The following GATB variants were observed in gnomAD, a reference collection of about 807,000 sequenced individuals.
GATB encodes glutamyl-tRNA amidotransferase subunit B.
In GATB, 39 loss-of-function variants were observed where a neutral mutation model predicts 62.3. That is an observed-to-expected ratio of 0.63 (90% CI 0.48 to 0.82). The LOEUF (loss-of-function observed/expected upper bound fraction) is 0.82, where lower values mean the gene tolerates loss of function less well. Among genes scored for constraint, GATB ranks in the 40% least tolerant of loss-of-function variants. GATB has a pLI of 0.00. For missense variants in GATB, 670 were observed against 684.0 expected (o/e 0.98, Z 0.23); for synonymous variants, 276 against 258.9 (o/e 1.07, Z -0.63).
chr4:151,719,374 C>G (rs1738981234), intron 3 of GATB, 51 bp downstream of exon 3: 1 of 1,337,982 alleles, frequency 7.5e-7, no homozygotes, highest in Non-Finnish European at 1.1e-6. Context: ...CACAGCAGGG[C>G]TGGCCCAGCT....
chr4:151,675,677 GCAGCTCC>G (rs1346921780), intron 11 of GATB: 2 of 152,394 alleles, frequency 1.3e-5, no homozygotes, highest in Non-Finnish European at 2.9e-5. Flanking sequence ...AGCCAGGAGC[GCAGCTCC>G]CAGGCCCTGC....
At chr4:151,749,840 T>C (rs1739677524) in intron 2 of GATB, among the ~76,000 whole-genome samples, 1 of 151,830 alleles carries the variant, frequency 6.6e-6, no homozygotes, top group African/African-American at 2.4e-5. Context: ...CTATCAACAA[T>C]TCCCTCCCCC....
intron 2 of GATB, chr4:151,723,898 C>T (rs1739080735): frequency 6.6e-6 from 1 of 152,134 alleles, no homozygotes; most frequent in African/African-American, 2.4e-5. Context: ...AGAGATAAGG[C>T]ACATAATGGC....
chr4:151,726,146 G>C (rs1739133191), intron 2 of GATB, among the ~76,000 whole-genome samples: 1 of 152,210 alleles, frequency 6.6e-6, no homozygotes, highest in Admixed American at 6.5e-5. Context: ...TTTATGGAGA[G>C]AAAGCAATTA....
At chr4:151,697,823 C>G (rs1033167662) in intron 9 of GATB, among the ~76,000 whole-genome samples, 51 of 148,830 alleles carry the variant, frequency 3.4e-4, no homozygotes, top group African/African-American at 1.2e-3. Flanking sequence ...TGGCGTGAAC[C>G]TGGGAGGCGG....
intron 12 of GATB, 30 bp downstream of exon 12, chr4:151,672,732 C>G: frequency 6.2e-7 from 1 of 1,609,898 alleles, no homozygotes; most frequent in Non-Finnish European, 8.5e-7. Context: ...GGGGCTGGCT[C>G]TGGCCCTCTC....
chr4:151,707,955 AG>A, intron 6 of GATB, 32 bp downstream of exon 6: 2 of 1,357,522 alleles, frequency 1.5e-6, no homozygotes. Flanking sequence ...AACAATAGGA[AG>A]AAGGACACTA....
intron 9 of GATB, among the ~76,000 whole-genome samples, chr4:151,692,460 G>C (rs1336961244): frequency 6.6e-6 from 1 of 152,230 alleles, no homozygotes; most frequent in Non-Finnish European, 1.5e-5. Flanking sequence ...TATTAAAAAT[G>C]TTGCAAGGAA....
chr4:151,697,069 T>C (rs980035916), intron 9 of GATB, among the ~76,000 whole-genome samples: 1 of 152,220 alleles, frequency 6.6e-6, no homozygotes, highest in Non-Finnish European at 1.5e-5. Flanking sequence ...GAAAACAGTA[T>C]GGAGGTTCCC....
At chr4:151,737,910 A>C (rs181842684) in intron 2 of GATB, among the ~76,000 whole-genome samples, 1 of 152,304 alleles carries the variant, frequency 6.6e-6, no homozygotes, top group East Asian at 1.9e-4. Flanking sequence ...ATGTATAGAA[A>C]TGCCTGGATG....
intron 2 of GATB, among the ~76,000 whole-genome samples, chr4:151,729,331 G>A (rs1393732639): frequency 6.6e-6 from 1 of 152,100 alleles, no homozygotes; most frequent in Non-Finnish European, 1.5e-5. Context: ...GAAAGGAAAA[G>A]AAACAAAAAG....
rs1182060946 is a variant in GATB at position 151,730,296 on chromosome 4, AG to A, written c.328-10759del. Among the ~76,000 whole-genome samples the A allele has an allele frequency of 2.6e-5, 4 of 152,208 alleles. No individual in the cohort carries two copies. The highest frequency in any genetic ancestry group is 5.9e-5 in the Non-Finnish European group (4 of 68,034). On this transcript the variant is annotated intron_variant, in intron 2 of 12. Transcript: ENST00000263985. This position sits in a 1 kb window ranked among gnomAD's most constrained non-coding sequence, Gnocchi z 4.1. ...ACCCGCCCAAGGAGAGTCTGAGCTC[AG>A]ACATGCCTAGCCCTGCTGCCACCTG...
intron 12 of GATB, 33 bp downstream of exon 12, chr4:151,672,729 G>GCTCTGGCCCT: frequency 6.2e-7 from 1 of 1,608,184 alleles, no homozygotes; most frequent in Non-Finnish European, 8.5e-7. Context: ...CCTGGGGCTG[G>GCTCTGGCCCT]CTCTGGCCCT....
At chr4:151,697,051 C>T (rs1453683366) in intron 9 of GATB, among the ~76,000 whole-genome samples, 1 of 152,118 alleles carries the variant, frequency 6.6e-6, no homozygotes, top group Non-Finnish European at 1.5e-5. Context: ...ATTAGTACAG[C>T]CTCTATGGAA....
chr4:151,731,849 A>G lies in GATB; in HGVS notation c.328-12311T>C, dbSNP rs867465233. Among the ~76,000 whole-genome samples the G allele has an allele frequency of 8.3e-3, 1,189 of 144,048 alleles. 19 individuals carry two copies. Among genetic ancestry groups the G allele is most frequent in the African/African-American group, 0.029 (1,105 of 37,644 alleles). The allele number at this position is 144,048 out of a possible 152,430, so 94.5% of individuals were successfully genotyped here. A position where few individuals can be genotyped will look rare whatever the true frequency, so the allele number is the denominator to read the frequency against. ...AGCCCCTCTGCCCGGCAGCCGCCCC[A>G]TCTGAGAAGTGAGGAGCCCCTCCGC... On this transcript the variant is annotated intron_variant, in intron 2 of 12. Transcript: ENST00000263985.
intron 5 of GATB, among the ~76,000 whole-genome samples, chr4:151,709,833 A>G (rs1458542086): frequency 6.6e-6 from 1 of 151,986 alleles, no homozygotes; most frequent in African/African-American, 2.4e-5. Flanking sequence ...GACAGCTCCT[A>G]CCGGATTATC....
intron 2 of GATB, among the ~76,000 whole-genome samples, chr4:151,734,830 GA>G (rs199898395): frequency 0.013 from 1,973 of 152,234 alleles, 41 homozygotes; most frequent in African/African-American, 0.04. Flanking sequence ...ATAAAGCGGG[GA>G]AAGGACACCC....
At chr4:151,731,242 GTGCC>G (rs1560859822) in intron 2 of GATB, among the ~76,000 whole-genome samples, 1 of 152,160 alleles carries the variant, frequency 6.6e-6, no homozygotes, top group East Asian at 1.9e-4. Context: ...AGCCTGCCGA[GTGCC>G]TGCCATTGCG....
intron 5 of GATB, among the ~76,000 whole-genome samples, chr4:151,709,709 C>T (rs1216405197): frequency 1.3e-5 from 2 of 152,192 alleles, no homozygotes; most frequent in African/African-American, 4.8e-5. Context: ...GATAAGAGCA[C>T]ATCCTGACTC....
Sources: gnomAD v4.1 joint callset for allele counts (sites outside exome capture counted in the v4.1 genomes callset) on GRCh38, gnomAD v4.1.1 for gene constraint, Gnocchi (gnomAD v3.1) non-coding constraint, MANE v1.5 for transcripts, NCBI Gene and HGNC (gene_info 2026-07-23, HGNC 2026-07-21) for gene names.